Variants in PCDHGB5 observed in about 807,000 individuals in gnomAD.
PCDHGB5 encodes protocadherin gamma subfamily B, 5.
In PCDHGB5, 48 loss-of-function variants were observed where a neutral mutation model predicts 62.9. The observed-to-expected ratio is 0.76, with a 90% CI of 0.61 to 0.97. PCDHGB5 has a LOEUF of 0.97. Ranked by LOEUF, PCDHGB5 falls within the 50% of genes least tolerant of loss-of-function variation. The pLI is 0.00. For missense variants in PCDHGB5, 1,118 were observed against 1,198.6 expected (o/e 0.93, Z 0.99); for synonymous variants, 474 against 511.2 (o/e 0.93, Z 0.98).
rs2098098668 is a variant in PCDHGB5, at chr5:141,439,210, T to C, written c.2397+38686T>C. Among the ~76,000 whole-genome samples the C allele has an allele frequency of 4.0e-5, 6 of 150,296 alleles. No homozygotes were observed. The Middle Eastern group carries it at 0.014, about 343-fold the overall frequency. On this transcript the variant is annotated intron_variant, in intron 1 of 3. Transcript: ENST00000617380. The stretch of plus-strand genomic sequence containing the variant: ...TCTGACAAAAAAAAAAAAAAATCCA[T>C]ATGTGAAAATTCTTAGAAGCTTCCT...
chr5:141,413,391 C>T lies in PCDHGB5; in HGVS notation c.2397+12867C>T, dbSNP rs375582894. ...CGGAGCGCGGAGTCCGCATAGTCTC[C>T]AGAGGTAGGACGCAGCTTTTCTCTC... On this transcript the variant is annotated intron_variant, in intron 1 of 3. Transcript: ENST00000617380. The T allele has an allele frequency of 1.2e-5, 19 of 1,613,902 alleles. No homozygotes were observed. In the African/African-American group the frequency reaches 2.4e-4, roughly 20 times the overall value.
In PCDHGB5 at chr5:141,399,363, G is replaced by A. The variant is rs773376480; in HGVS notation, c.1236G>A (p.Pro412=). The change falls in exon 1 of 4, where the codon CCG becomes CCA. Residue 412 remains proline (P), a synonymous_variant. Coordinates refer to ENST00000617380, the MANE Select transcript of PCDHGB5 (RefSeq NM_018925.3). ...GAACCCTAGACCGAGAGCAAACCCC[G>A]GAGTACAATGTCACCATCACAGCCA... ...TDGTLDREQT[P]EYNVTITATD... The A allele has an allele frequency of 3.1e-6, 5 of 1,613,910 alleles. No individual in the cohort carries two copies. Among genetic ancestry groups the A allele is most frequent in the Non-Finnish European group, 3.4e-6 (4 of 1,179,888 alleles).
intron 1 of PCDHGB5, chr5:141,478,480 G>T: frequency 2.5e-6 from 4 of 1,613,564 alleles, no homozygotes; most frequent in Non-Finnish European, 3.4e-6. Flanking sequence ...GCCAGAACAC[G>T]CTGCGGAGCT....
intron 1 of PCDHGB5, chr5:141,416,001 G>C (rs2095980823): frequency 4.0e-6 from 1 of 253,062 alleles, no homozygotes; most frequent in Non-Finnish European, 7.3e-6. Flanking sequence ...AGGCAGGTCT[G>C]GTAAGAATAG....
At chr5:141,456,837 C>G (rs550771859) in intron 1 of PCDHGB5, among the ~76,000 whole-genome samples, 70 of 152,194 alleles carry the variant, frequency 4.6e-4, no homozygotes, top group Non-Finnish European at 8.2e-4. Context: ...GTAGTGGGCG[C>G]CTGTAATCCC....
intron 1 of PCDHGB5, chr5:141,422,210 T>C: frequency 6.4e-7 from 1 of 1,562,390 alleles, no homozygotes; most frequent in South Asian, 1.2e-5. Flanking sequence ...GGTGGAGGTC[T>C]CTTTACCACC....
chr5:141,431,973 TC>T lies in PCDHGB5; in HGVS notation c.2397+31450del, dbSNP rs770294598. 13 of 1,614,100 alleles carry T rather than the reference TC, an allele frequency of 8.1e-6. No individual in the cohort carries two copies. The highest frequency in any genetic ancestry group is 1.0e-5 in the Non-Finnish European group (12 of 1,180,038). On this transcript the variant is annotated intron_variant, in intron 1 of 3. Transcript: ENST00000617380. This position sits in a 1 kb window ranked among gnomAD's most constrained non-coding sequence, Gnocchi z 4.8. ...TCTTACGGAAATTACTATAGTTTAG[TC>T]ACAGACATAGTCTTGGATAGGGAAC...
chr5:141,439,697 A>T (rs2098127217), intron 1 of PCDHGB5, among the ~76,000 whole-genome samples: 1 of 152,218 alleles, frequency 6.6e-6, no homozygotes, highest in Non-Finnish European at 1.5e-5. Flanking sequence ...CAACATTCCT[A>T]TTATGGCTCC....
At position 141,487,905 on chromosome 5, in the gene PCDHGB5, G is replaced by A. The variant is rs1305989274; in HGVS notation, c.2398-6902G>A. The A allele has an allele frequency of 2.9e-6, 2 of 686,270 alleles. No individual in the cohort carries two copies. The highest frequency in any genetic ancestry group is 3.6e-5 in the African/African-American group (2 of 55,348). The allele number at this position is 686,270 out of a possible 1,614,324, so 42.5% of individuals were successfully genotyped here. ...GTGGAAGCATGATGATGGAATGTGG[G>A]AGCACAGGAGGCTACAGTGCACAGG... On this transcript the variant is annotated intron_variant, in intron 1 of 3. Coordinates refer to ENST00000617380, the MANE Select transcript of PCDHGB5 (RefSeq NM_018925.3). This position sits in a 1 kb window ranked among gnomAD's most constrained non-coding sequence, Gnocchi z 5.0.
intron 1 of PCDHGB5, chr5:141,412,854 A>G (rs1356959630): frequency 4.5e-6 from 1 of 223,412 alleles, no homozygotes; most frequent in South Asian, 1.8e-4. Context: ...GAGAAACCAA[A>G]GAATCTATGT....
Position 141,421,259 on chromosome 5 carries a change from G to C in PCDHGB5, c.2397+20735G>C. The C allele has an allele frequency of 6.2e-7, 1 of 1,609,254 alleles. No individual in the cohort carries two copies. The highest frequency in any genetic ancestry group is 8.5e-7 in the Non-Finnish European group (1 of 1,178,538). The stretch of plus-strand genomic sequence containing the variant: ...AATCGGCTACAGCGCGGGGACCGCA[G>C]TCGGCTGCTGCTGCTGCTGTGCATT... On this transcript the variant is annotated intron_variant, in intron 1 of 3. Transcript: ENST00000617380.
rs779391932 is a variant in PCDHGB5, at chr5:141,419,996, C to T, written c.2397+19472C>T. Reference sequence around the variant, plus strand: ...CCTCGCGGTGATTCTAGCTATTGCTCTACGCCTGCGACAGTCTTTCAGCCC... The same window carrying T: ...CCTCGCGGTGATTCTAGCTATTGCTTTACGCCTGCGACAGTCTTTCAGCCC... On this transcript the variant is annotated intron_variant, in intron 1 of 3. Coordinates refer to ENST00000617380, the MANE Select transcript of PCDHGB5 (RefSeq NM_018925.3). 10 of 1,613,966 alleles carry T rather than the reference C, an allele frequency of 6.2e-6. No homozygotes were observed. In the East Asian group the frequency reaches 2.2e-4, roughly 36 times the overall value.
rs1226194073 is a variant in PCDHGB5, at chr5:141,490,496, A to G, written c.2398-4311A>G. The G allele has an allele frequency of 6.2e-7, 1 of 1,614,096 alleles. No individual in the cohort carries two copies. Among genetic ancestry groups the G allele is most frequent in the East Asian group, 2.2e-5 (1 of 44,894 alleles). On this transcript the variant is annotated intron_variant, in intron 1 of 3. Coordinates refer to ENST00000617380, the MANE Select transcript of PCDHGB5 (RefSeq NM_018925.3). The surrounding 1 kb of genome is among the most constrained non-coding windows in gnomAD (Gnocchi z 5.4). ...CCTTTGGACCGGGAGGCCACATCCCACTATATCATCGAGCTGCTGGCCAGC... is the reference window on the plus strand; with the variant it reads ...CCTTTGGACCGGGAGGCCACATCCCGCTATATCATCGAGCTGCTGGCCAGC...
chr5:141,481,729 G>A (rs757464454), intron 1 of PCDHGB5, among the ~76,000 whole-genome samples: 6 of 151,966 alleles, frequency 3.9e-5, no homozygotes, highest in Admixed American at 1.3e-4. Flanking sequence ...GGAGGCGGGC[G>A]GATCACGAGG....
Position 141,399,976 on chromosome 5 carries a change from CTGCGCACAGGAGAGG to C in PCDHGB5, c.1859_1873del (p.Gly620_Thr624del). 1.2e-6 allele frequency: 2 copies of C among 1,612,242 alleles called. No homozygotes were observed. The highest frequency in any genetic ancestry group is 8.5e-7 in the Non-Finnish European group (1 of 1,179,662). On this transcript the variant is annotated inframe_deletion, in exon 1 of 4. Coordinates refer to ENST00000617380, the MANE Select transcript of PCDHGB5 (RefSeq NM_018925.3). ...CGAGCCCGGGCTCTTCAGCCTGGGGCTGCGCACAGGAGAGGTGCGCACAGCGCGTGCCTTGGGCGA... is the reference window on the plus strand; with the variant it reads ...CGAGCCCGGGCTCTTCAGCCTGGGGCTGCGCACAGCGCGTGCCTTGGGCGA...
intron 1 of PCDHGB5, chr5:141,409,049 AG>A: frequency 6.2e-7 from 1 of 1,614,028 alleles, no homozygotes; most frequent in African/African-American, 1.3e-5. Context: ...CTACTTCCGA[AG>A]CACTGCCCAG....
intron 1 of PCDHGB5, among the ~76,000 whole-genome samples, chr5:141,492,798 C>T (rs1219815576): frequency 6.6e-6 from 1 of 152,250 alleles, no homozygotes; most frequent in Non-Finnish European, 1.5e-5. Flanking sequence ...GACAGCAGGA[C>T]TGGGACTCCA....
At position 141,423,722 on chromosome 5, in the gene PCDHGB5, G is replaced by A. The variant is rs541297269; in HGVS notation, c.2397+23198G>A. Reference sequence around the variant, plus strand: ...CTTGGCACAAGTCTTTTAAGGAGATGTTTTTTGAGCCTGTTATGAAAACTG... The same window carrying A: ...CTTGGCACAAGTCTTTTAAGGAGATATTTTTTGAGCCTGTTATGAAAACTG... On this transcript the variant is annotated intron_variant, in intron 1 of 3. Coordinates refer to ENST00000617380, the MANE Select transcript of PCDHGB5 (RefSeq NM_018925.3). 5 of 954,184 alleles carry A rather than the reference G, an allele frequency of 5.2e-6. No individual in the cohort carries two copies. In the African/African-American group the frequency reaches 6.3e-5, roughly 12 times the overall value. The allele number at this position is 954,184 out of a possible 1,614,324, so 59.1% of individuals were successfully genotyped here.
At chr5:141,435,503 A>G (rs2097767522) in intron 1 of PCDHGB5, among the ~76,000 whole-genome samples, 1 of 152,170 alleles carries the variant, frequency 6.6e-6, no homozygotes, top group Non-Finnish European at 1.5e-5. Context: ...TACACTAATG[A>G]TACTAATGAT....
Sources: gnomAD v4.1 joint callset for allele counts (sites outside exome capture counted in the v4.1 genomes callset) on GRCh38, gnomAD v4.1.1 for gene constraint, Gnocchi (gnomAD v3.1) non-coding constraint, MANE v1.5 for transcripts, NCBI Gene and HGNC (gene_info 2026-07-23, HGNC 2026-07-21) for gene names.